The following CTNNA2 variants were observed in gnomAD, a reference collection of about 807,000 sequenced individuals.
CTNNA2 encodes the protein catenin alpha-2.
A neutral mutation model predicts 101.0 loss-of-function variants in CTNNA2; 42 were observed. The ratio of observed to expected loss-of-function variants is 0.42; its 90% CI spans 0.32 to 0.54. CTNNA2 has a LOEUF of 0.54. Ranked by LOEUF, CTNNA2 falls within the 20% of genes least tolerant of loss-of-function variation. The probability of loss-of-function intolerance (pLI) is 0.14; values close to 1 mark genes in which losing one functional copy is unlikely to be tolerated. For synonymous variants in CTNNA2, 450 were observed against 456.4 expected (o/e 0.99, Z 0.18); for missense variants, 871 against 1,223.1 (o/e 0.71, Z 4.29).
intron 3 of CTNNA2, among the ~76,000 whole-genome samples, chr2:79,795,038 T>A (rs1367646419): frequency 6.6e-6 from 1 of 152,208 alleles, no homozygotes; most frequent in Non-Finnish European, 1.5e-5. Context: ...TAAAAATATG[T>A]TCTAGCCTCA....
chr2:79,398,110 T>A (rs1238824684), intron 4 of CTNNA2, among the ~76,000 whole-genome samples: 1 of 152,112 alleles, frequency 6.6e-6, no homozygotes, highest in East Asian at 1.9e-4. Context: ...TAATTCTCTA[T>A]GATATTTTAT....
intron 9 of CTNNA2, among the ~76,000 whole-genome samples, chr2:80,439,751 T>C (rs1682390035): frequency 6.6e-6 from 1 of 152,172 alleles, no homozygotes; most frequent in South Asian, 2.1e-4. Flanking sequence ...TTTATATTAT[T>C]TGAAAACACT....
intron 2 of CTNNA2, among the ~76,000 whole-genome samples, chr2:79,241,452 T>C (rs1043692886): frequency 6.6e-6 from 1 of 152,048 alleles, no homozygotes; most frequent in Non-Finnish European, 1.5e-5. Flanking sequence ...GAGAGAAGCA[T>C]TAAGTCAGTA....
intron 2 of CTNNA2, among the ~76,000 whole-genome samples, chr2:79,679,929 G>A (rs1271181474): frequency 2.0e-5 from 3 of 152,128 alleles, no homozygotes; most frequent in African/African-American, 7.2e-5. Flanking sequence ...TTTTGCACCA[G>A]ATTAGGCTGT....
chr2:80,498,188 A>G (rs1426946357), intron 9 of CTNNA2, among the ~76,000 whole-genome samples: 1 of 152,168 alleles, frequency 6.6e-6, no homozygotes, highest in Non-Finnish European at 1.5e-5. Context: ...TGTTCAAGTA[A>G]CTCACAAAAG....
chr2:80,278,486 A>G (rs465121), intron 7 of CTNNA2, among the ~76,000 whole-genome samples: 79,059 of 151,754 alleles, frequency 0.52, 20,802 homozygotes, highest in Non-Finnish European at 0.53. Flanking sequence ...AAGTGTTCTT[A>G]TCATCATCCA....
At chr2:80,076,782 C>CAG (rs1698785844) in intron 7 of CTNNA2, among the ~76,000 whole-genome samples, 3 of 151,990 alleles carry the variant, frequency 2.0e-5, no homozygotes, top group African/African-American at 7.2e-5. Context: ...AACAAGAAAA[C>CAG]AGAGTTGCTA....
chr2:79,924,313 T>C (rs1449425841), intron 7 of CTNNA2, among the ~76,000 whole-genome samples: 1 of 152,098 alleles, frequency 6.6e-6, no homozygotes, highest in Non-Finnish European at 1.5e-5. Flanking sequence ...GTATAAATTG[T>C]GTTGTTCTGA....
chr2:79,884,125 C>G (rs1322149136), intron 6 of CTNNA2, among the ~76,000 whole-genome samples: 1 of 152,174 alleles, frequency 6.6e-6, no homozygotes, highest in African/African-American at 2.4e-5. Flanking sequence ...AGACAGTACA[C>G]ATTATCTTGA....
intron 3 of CTNNA2, among the ~76,000 whole-genome samples, chr2:79,808,868 C>T (rs1033470882): frequency 3.9e-5 from 6 of 151,936 alleles, no homozygotes; most frequent in Non-Finnish European, 7.4e-5. Flanking sequence ...TATACACGTG[C>T]CATGGTGGTT....
intron 4 of CTNNA2, among the ~76,000 whole-genome samples, chr2:79,495,536 A>G (rs1180094485): frequency 6.6e-6 from 1 of 152,204 alleles, no homozygotes; most frequent in African/African-American, 2.4e-5. Context: ...AAAATGATGC[A>G]GTCACTTTGG....
chr2:80,440,265 TAAC>T (rs1402112714), intron 9 of CTNNA2, among the ~76,000 whole-genome samples: 1 of 152,184 alleles, frequency 6.6e-6, no homozygotes, highest in Non-Finnish European at 1.5e-5. Context: ...TCAGAAATCT[TAAC>T]AACCATGGGG....
At chr2:79,190,119 C>T (rs994556820) in intron 1 of CTNNA2, among the ~76,000 whole-genome samples, 2 of 152,066 alleles carry the variant, frequency 1.3e-5, no homozygotes, top group South Asian at 2.1e-4. Flanking sequence ...GTGATTCCTC[C>T]TCTGACCCAT....
At chr2:80,328,793 T>C (rs1287719128) in intron 7 of CTNNA2, among the ~76,000 whole-genome samples, 2 of 152,238 alleles carry the variant, frequency 1.3e-5, no homozygotes, top group Non-Finnish European at 2.9e-5. Context: ...AATGTACTTA[T>C]ACAAACCTAG....
intron 3 of CTNNA2, among the ~76,000 whole-genome samples, chr2:79,827,803 T>G (rs1290612230): frequency 6.6e-6 from 1 of 152,206 alleles, no homozygotes; most frequent in Non-Finnish European, 1.5e-5. Context: ...AATGAGTGAT[T>G]TTTATTATCA....
chr2:79,409,771 T>G (rs1261480615), intron 4 of CTNNA2, among the ~76,000 whole-genome samples: 24 of 146,636 alleles, frequency 1.6e-4, no homozygotes, highest in African/African-American at 6.1e-4. Context: ...TAGGATTGAC[T>G]TGGTGATGCG....
intron 15 of CTNNA2, among the ~76,000 whole-genome samples, chr2:80,591,457 G>GTTGTTTTTTTTTTTTTTTT (rs1553401310): frequency 1.4e-5 from 1 of 70,314 alleles, no homozygotes; most frequent in Non-Finnish European, 3.0e-5. Flanking sequence ...TGCACAGCCT[G>GTTGTTTTTTTTTTTTTTTT]TTTTTTTTTT....
intron 3 of CTNNA2, among the ~76,000 whole-genome samples, chr2:79,789,265 G>C (rs1286303985): frequency 6.6e-6 from 1 of 152,072 alleles, no homozygotes; most frequent in Non-Finnish European, 1.5e-5. Flanking sequence ...AATGTGAAAG[G>C]CTATCAAAAG....
intron 4 of CTNNA2, among the ~76,000 whole-genome samples, chr2:79,405,679 A>G (rs1678333540): frequency 6.6e-6 from 1 of 151,984 alleles, no homozygotes; most frequent in Non-Finnish European, 1.5e-5. Flanking sequence ...GTATATATTT[A>G]TGGGATACAC....
Sources: gnomAD v4.1 joint callset for allele counts (sites outside exome capture counted in the v4.1 genomes callset) on GRCh38, gnomAD v4.1.1 for gene constraint, MANE v1.5 for transcripts, NCBI Gene and HGNC (gene_info 2026-07-23, HGNC 2026-07-21) for gene names.